Variants in LRRTM4 observed in about 807,000 individuals in gnomAD.
The protein encoded by LRRTM4 is leucine rich repeat transmembrane neuronal 4, also known as leucine-rich repeat transmembrane neuronal protein 4.
Under a neutral mutation model 47.6 loss-of-function variants are expected in LRRTM4, and 25 were observed. The ratio of observed to expected loss-of-function variants is 0.53; its 90% CI spans 0.38 to 0.73. The LOEUF (loss-of-function observed/expected upper bound fraction) is 0.73. LRRTM4 is among the 30% of genes least tolerant of loss of function. The pLI, the probability that LRRTM4 is intolerant of heterozygous loss-of-function variation, is 0.00. For missense variants in LRRTM4, 638 were observed against 713.4 expected (o/e 0.89, Z 1.20); for synonymous variants, 311 against 269.5 (o/e 1.15, Z -1.51).
chr2:77,441,519 T>C (rs1675841567), intron 3 of LRRTM4, among the ~76,000 whole-genome samples: 1 of 152,200 alleles, frequency 6.6e-6, no homozygotes, highest in Non-Finnish European at 1.5e-5. Context: ...TATTTCATTT[T>C]GGGAAAGTTG....
At chr2:77,508,611 T>C (rs1000339807) in intron 3 of LRRTM4, among the ~76,000 whole-genome samples, 1 of 152,116 alleles carries the variant, frequency 6.6e-6, no homozygotes, top group African/African-American at 2.4e-5. Context: ...TCTCATTTCA[T>C]AGTACGCAAT....
chr2:77,217,440 A>AATATATATATATATATATATAT lies in LRRTM4; in HGVS notation c.1551+300856_1551+300877dup, dbSNP rs34070418. On this transcript the variant is annotated intron_variant, in intron 3 of 3. Transcript: ENST00000409884. ...TGATTTGGGCTATATCTCCAAATGA[A>AATATATATATATATATATATAT]ATATATATATATATATATATATATA... Among the ~76,000 whole-genome samples, 100 of 76,780 alleles carry AATATATATATATATATATATAT rather than the reference A, an allele frequency of 1.3e-3. 5 individuals carry two copies. The highest frequency in any genetic ancestry group is 1.5e-3 in the Non-Finnish European group (66 of 44,448). The allele number at this position is 76,780 out of a possible 152,430, so 50.4% of individuals were successfully genotyped here. A position where few individuals can be genotyped will look rare whatever the true frequency, so the allele number is the denominator to read the frequency against.
chr2:77,274,612 T>A (rs955507743), intron 3 of LRRTM4, among the ~76,000 whole-genome samples: 1 of 152,174 alleles, frequency 6.6e-6, no homozygotes, highest in African/African-American at 2.4e-5. Flanking sequence ...TCAAAAGGTT[T>A]TGACTAAAAA....
chr2:76,998,474 T>A (rs1422466938), intron 3 of LRRTM4, among the ~76,000 whole-genome samples: 1 of 151,952 alleles, frequency 6.6e-6, no homozygotes, highest in Non-Finnish European at 1.5e-5. Flanking sequence ...AACAGATCCA[T>A]GATGCACACA....
intron 3 of LRRTM4, among the ~76,000 whole-genome samples, chr2:77,135,960 C>A (rs1215161446): frequency 1.3e-5 from 2 of 151,712 alleles, no homozygotes; most frequent in East Asian, 1.9e-4. Flanking sequence ...TACTATCAAA[C>A]ATTAATACCT....
At chr2:77,367,980 C>T (rs1390232679) in intron 3 of LRRTM4, among the ~76,000 whole-genome samples, 1 of 151,710 alleles carries the variant, frequency 6.6e-6, no homozygotes, top group Non-Finnish European at 1.5e-5. Flanking sequence ...TGCCTTTTTT[C>T]ATCGTTATAA....
chr2:77,403,794 T>C (rs958065324), intron 3 of LRRTM4, among the ~76,000 whole-genome samples: 1 of 151,610 alleles, frequency 6.6e-6, no homozygotes, highest in Non-Finnish European at 1.5e-5. Flanking sequence ...TAATGGCCAA[T>C]ACTAAATATG....
chr2:77,480,820 GTGGAGAGAGAGAGAGAGAGA>G (rs1182227382), intron 3 of LRRTM4, among the ~76,000 whole-genome samples: 48 of 99,138 alleles, frequency 4.8e-4, no homozygotes, highest in Non-Finnish European at 5.7e-4. Context: ...GTGTGTGTGT[GTGGAGAGAGAGAGAGAGAGA>G]GAGAGAGAGA....
chr2:76,879,462 CA>C (rs1330239041), intron 3 of LRRTM4, among the ~76,000 whole-genome samples: 2 of 152,180 alleles, frequency 1.3e-5, no homozygotes, highest in Non-Finnish European at 2.9e-5. Flanking sequence ...CTGTTTACAG[CA>C]TGGTTTCCTG....
chr2:77,517,716 G>A lies in LRRTM4; in HGVS notation c.1551+602C>T, dbSNP rs1252825610. On this transcript the variant is annotated intron_variant, in intron 3 of 3. Transcript: ENST00000409884. ...GAAACAAAAAAAAAAAAAGAAAGAA[G>A]CCTTAGGAGCCTGATACAATTACAC... 3 of 974,620 alleles carry A rather than the reference G, an allele frequency of 3.1e-6. No homozygotes were observed. The African/African-American group carries it at 5.3e-5, about 17-fold the overall frequency. 60.4% of individuals were successfully genotyped at this position (974,620 alleles called of 1,614,324 possible).
chr2:76,768,639 A>G (rs1464048458), intron 3 of LRRTM4, among the ~76,000 whole-genome samples: 1 of 152,136 alleles, frequency 6.6e-6, no homozygotes, highest in African/African-American at 2.4e-5. Flanking sequence ...ATGATTGTAA[A>G]TTCAAAGAGC....
At chr2:77,252,906 G>C (rs1246706413) in intron 3 of LRRTM4, among the ~76,000 whole-genome samples, 1 of 152,094 alleles carries the variant, frequency 6.6e-6, no homozygotes, top group African/African-American at 2.4e-5. Context: ...TAGACATGTA[G>C]ATGGCTGCCT....
chr2:77,130,798 A>G (rs1159297732), intron 3 of LRRTM4, among the ~76,000 whole-genome samples: 1 of 131,448 alleles, frequency 7.6e-6, no homozygotes, highest in Non-Finnish European at 1.6e-5. Context: ...AGTGTGAGCC[A>G]CCGTGCCCGG....
chr2:77,319,877 A>T (rs1390392882), intron 3 of LRRTM4, among the ~76,000 whole-genome samples: 2 of 152,212 alleles, frequency 1.3e-5, no homozygotes, highest in Non-Finnish European at 2.9e-5. Context: ...TGGGATTCAA[A>T]GTCTAGGCTT....
At chr2:77,016,921 A>G (rs1421762466) in intron 3 of LRRTM4, among the ~76,000 whole-genome samples, 1 of 151,900 alleles carries the variant, frequency 6.6e-6, no homozygotes, top group Non-Finnish European at 1.5e-5. Context: ...AGAAATGTGT[A>G]GCAGCACTCT....
At chr2:76,970,265 G>A (rs996092224) in intron 3 of LRRTM4, among the ~76,000 whole-genome samples, 1 of 151,888 alleles carries the variant, frequency 6.6e-6, no homozygotes, top group Non-Finnish European at 1.5e-5. Flanking sequence ...TACATATAAC[G>A]AAGTACATCA....
chr2:76,908,807 A>G (rs983907687), intron 3 of LRRTM4, among the ~76,000 whole-genome samples: 24 of 152,164 alleles, frequency 1.6e-4, no homozygotes, highest in African/African-American at 5.3e-4. Context: ...GACCTCTTCC[A>G]GGAGAACTAC....
rs562391293 is a variant in LRRTM4 at position 77,512,806 on chromosome 2, A to C, written c.1551+5512T>G. Among the ~76,000 whole-genome samples, 3 of 152,252 alleles carry C rather than the reference A, an allele frequency of 2.0e-5. No homozygotes were observed. The South Asian group carries it at 6.2e-4, about 32-fold the overall frequency. On this transcript the variant is annotated intron_variant, in intron 3 of 3. Coordinates refer to ENST00000409884, the MANE Select transcript of LRRTM4 (RefSeq NM_001134745.3). ...GGTGTGTCAAAAGCTACACATTCCTAAGACCACAGACTTCTCAGCTGGGAG... is the reference window on the plus strand; with the variant it reads ...GGTGTGTCAAAAGCTACACATTCCTCAGACCACAGACTTCTCAGCTGGGAG...
chr2:77,433,319 G>A (rs749502836), intron 3 of LRRTM4, among the ~76,000 whole-genome samples: 3 of 152,090 alleles, frequency 2.0e-5, no homozygotes, highest in African/African-American at 4.8e-5. Flanking sequence ...AAAGTTATGA[G>A]GGCAGTATGA....
Sources: allele counts gnomAD v4.1 joint callset (sites outside exome capture counted in the v4.1 genomes callset), GRCh38; gene constraint gnomAD v4.1.1; transcripts MANE v1.5; gene names NCBI Gene and HGNC (gene_info 2026-07-23, HGNC 2026-07-21).